Variants in PIK3AP1 observed in about 807,000 individuals in gnomAD.
PIK3AP1 encodes phosphoinositide 3-kinase adapter protein 1.
PIK3AP1 carries 21 observed loss-of-function variants against 88.1 expected under a neutral mutation model. That is an observed-to-expected ratio of 0.24 (90% CI 0.17 to 0.34). The LOEUF (loss-of-function observed/expected upper bound fraction) is 0.34. PIK3AP1 is among the 10% of genes least tolerant of loss of function. The pLI, the probability that PIK3AP1 is intolerant of heterozygous loss-of-function variation, is 1.00. For missense variants in PIK3AP1, 828 were observed against 1,035.7 expected, an observed-to-expected ratio of 0.80 and a Z score of 2.75; for synonymous variants, 398 against 400.0, an observed-to-expected ratio of 1.00 and a Z score of 0.06.
intron 8 of PIK3AP1, among the ~76,000 whole-genome samples, chr10:96,632,334 G>A (rs1843255454): frequency 2.0e-5 from 3 of 152,126 alleles, no homozygotes; most frequent in Admixed American, 2.0e-4. Flanking sequence ...TTAATACTAC[G>A]GGAGCCTGAG....
chr10:96,613,001 T>G (rs1275172816), intron 13 of PIK3AP1, among the ~76,000 whole-genome samples: 87 of 80,762 alleles, frequency 1.1e-3, no homozygotes, highest in African/African-American at 4.0e-3. Context: ...TTTTTTTTTT[T>G]TTTTTTTTTT....
Position 96,645,464 on chromosome 10 carries a change from G to C in PIK3AP1, c.1375+9C>G, listed in dbSNP as rs753259836. The C allele has an allele frequency of 5.0e-6, 8 of 1,611,306 alleles. No homozygotes were observed. Among genetic ancestry groups the C allele is most frequent in the African/African-American group, 1.3e-5 (1 of 74,742 alleles). On this transcript the variant is annotated intron_variant, in intron 8 of 16. Transcript: ENST00000339364. Reference sequence around the variant, plus strand: ...AAAGGTGGAAGCAGAACTGGGTTGTGCTACTTACAGAGGTCTTCAGTGGCA... The same window carrying C: ...AAAGGTGGAAGCAGAACTGGGTTGTCCTACTTACAGAGGTCTTCAGTGGCA...
chr10:96,712,753 G>C (rs1844454747), intron 1 of PIK3AP1, among the ~76,000 whole-genome samples: 1 of 152,256 alleles, frequency 6.6e-6, no homozygotes, highest in African/African-American at 2.4e-5. Context: ...GGTAGGACAG[G>C]TGCAAGACTT....
intron 15 of PIK3AP1, chr10:96,603,605 C>T (rs1442426161): frequency 6.4e-6 from 1 of 155,598 alleles, no homozygotes; most frequent in African/African-American, 2.4e-5. Flanking sequence ...GACTGGCTTC[C>T]TTGCTCCTCA....
intron 12 of PIK3AP1, among the ~76,000 whole-genome samples, chr10:96,619,887 A>G (rs1045278149): frequency 6.6e-6 from 1 of 152,048 alleles, no homozygotes; most frequent in Non-Finnish European, 1.5e-5. Flanking sequence ...GAGTTGTTTT[A>G]ATTTGGGTGG....
At chr10:96,640,272 T>C (rs796647794) in intron 8 of PIK3AP1, among the ~76,000 whole-genome samples, 53 of 152,254 alleles carry the variant, frequency 3.5e-4, no homozygotes, top group African/African-American at 1.3e-3. Flanking sequence ...TTTCGCTTTA[T>C]GGAAGAAAAA....
At chr10:96,642,462 A>AAAAC (rs1168539598) in intron 8 of PIK3AP1, among the ~76,000 whole-genome samples, 2 of 99,966 alleles carry the variant, frequency 2.0e-5, no homozygotes, top group Non-Finnish European at 4.7e-5. Context: ...AAGAAAGAAA[A>AAAAC]AAAGAGAAAG....
At chr10:96,662,750 C>T (rs1272299233) in intron 2 of PIK3AP1, among the ~76,000 whole-genome samples, 1 of 148,626 alleles carries the variant, frequency 6.7e-6, no homozygotes, top group African/African-American at 2.5e-5. Flanking sequence ...GGCGCGGTGG[C>T]GGGCGCCTGT....
chr10:96,709,193 G>A (rs1330328680), intron 2 of PIK3AP1, among the ~76,000 whole-genome samples: 2 of 150,782 alleles, frequency 1.3e-5, no homozygotes, highest in African/African-American at 2.4e-5. Context: ...ATGATAAAAT[G>A]GAAGTAACAT....
intron 14 of PIK3AP1, among the ~76,000 whole-genome samples, chr10:96,609,318 A>C (rs1849062002): frequency 6.6e-6 from 1 of 152,216 alleles, no homozygotes; most frequent in Admixed American, 6.5e-5. Flanking sequence ...CACATTAGCT[A>C]TTTAACCTAG....
intron 7 of PIK3AP1, among the ~76,000 whole-genome samples, chr10:96,647,216 T>C (rs1843471840): frequency 6.6e-6 from 1 of 152,180 alleles, no homozygotes; most frequent in African/African-American, 2.4e-5. Flanking sequence ...CCCAGTTAAA[T>C]ACAACAGGAT....
intron 2 of PIK3AP1, among the ~76,000 whole-genome samples, chr10:96,700,094 C>T (rs1481698376): frequency 6.6e-6 from 1 of 152,200 alleles, no homozygotes; most frequent in South Asian, 2.1e-4. Flanking sequence ...GAAATTCTCA[C>T]ACGAGCGGAA....
intron 7 of PIK3AP1, 39 bp from the exon 8 acceptor site, chr10:96,645,701 C>T (rs1221288301): frequency 4.5e-6 from 7 of 1,539,686 alleles, no homozygotes; most frequent in Non-Finnish European, 6.1e-6. Context: ...CCTGAGGCAG[C>T]CTGACTTTCC....
At chr10:96,662,787 C>G (rs1843707725) in intron 2 of PIK3AP1, among the ~76,000 whole-genome samples, 1 of 146,080 alleles carries the variant, frequency 6.8e-6, no homozygotes, top group African/African-American at 2.5e-5. Flanking sequence ...GAGGCTGAGG[C>G]AGGAGAATGG....
chr10:96,612,948 G>GTA (rs1564954712), intron 13 of PIK3AP1, among the ~76,000 whole-genome samples: 97 of 46,260 alleles, frequency 2.1e-3, no homozygotes, highest in African/African-American at 7.7e-3. Flanking sequence ...TTGTGTGTGT[G>GTA]TGTATATATA....
At chr10:96,636,564 C>G (rs1319323881) in intron 8 of PIK3AP1, among the ~76,000 whole-genome samples, 2 of 152,188 alleles carry the variant, frequency 1.3e-5, no homozygotes, top group Admixed American at 6.5e-5. Context: ...GAAATCAGAA[C>G]AAATCCCTGC....
chr10:96,629,942 G>GAAA (rs1843222612), intron 8 of PIK3AP1, among the ~76,000 whole-genome samples: 1 of 62,410 alleles, frequency 1.6e-5, no homozygotes, highest in African/African-American at 5.1e-5. Flanking sequence ...AGAAGAAGAA[G>GAAA]AAGAAGAAGA....
chr10:96,614,208 A>C (rs1849175327), intron 13 of PIK3AP1, among the ~76,000 whole-genome samples: 1 of 152,158 alleles, frequency 6.6e-6, no homozygotes, highest in Non-Finnish European at 1.5e-5. Flanking sequence ...CTGGGCCTTC[A>C]AACACTGGGT....
intron 8 of PIK3AP1, 58 bp downstream of exon 8, chr10:96,645,415 A>T (rs1843444693): frequency 6.3e-7 from 1 of 1,575,702 alleles, no homozygotes; most frequent in African/African-American, 1.4e-5. Context: ...TTCATCCGGA[A>T]TGAAAAAAGC....
Sources: allele counts gnomAD v4.1 joint callset (sites outside exome capture counted in the v4.1 genomes callset), GRCh38; gene constraint gnomAD v4.1.1; transcripts MANE v1.5; gene names NCBI Gene and HGNC (gene_info 2026-07-23, HGNC 2026-07-21).